Variants in NCKAP5 observed in about 807,000 individuals in gnomAD.
NCKAP5 encodes the protein NCK associated protein 5.
A neutral mutation model predicts 167.0 loss-of-function variants in NCKAP5; 92 were observed. The observed-to-expected ratio is 0.55, with a 90% CI of 0.47 to 0.66. NCKAP5 has a LOEUF of 0.66. Among genes scored for constraint, NCKAP5 ranks in the 30% least tolerant of loss-of-function variants. The pLI is 0.00. For missense variants in NCKAP5, 2,378 were observed against 2,315.0 expected (o/e 1.03, Z -0.56); for synonymous variants, 891 against 877.4 (o/e 1.02, Z -0.27).
chr2:132,998,215 C>A (rs114787279), intron 6 of NCKAP5, among the ~76,000 whole-genome samples: 2,973 of 152,256 alleles, frequency 0.02, 90 homozygotes, highest in African/African-American at 0.069. Context: ...GCATATCTTG[C>A]TAAATTATCT....
intron 11 of NCKAP5, among the ~76,000 whole-genome samples, chr2:132,814,305 T>C (rs1023258630): frequency 2.0e-5 from 3 of 152,298 alleles, no homozygotes; most frequent in East Asian, 1.9e-4. Context: ...AAATGCCTCA[T>C]GGTATTATAA....
rs552584974 is a variant in NCKAP5 at position 132,898,615 on chromosome 2, C to G, written c.580-19699G>C. 3.9e-5 allele frequency among the ~76,000 whole-genome samples: 6 copies of G among 152,300 alleles called. No homozygotes were observed. The South Asian group carries it at 1.2e-3, about 32-fold the overall frequency. ...TCAAAATTCCTTGTTGATCCATGAG[C>G]TGCAGAATGAATGTTGTGTTAGCAG... is the stretch of plus-strand genomic sequence containing the variant. On this transcript the variant is annotated intron_variant, in intron 8 of 19. Transcript: ENST00000409261.
chr2:133,302,712 C>T (rs1385155676), intron 4 of NCKAP5, among the ~76,000 whole-genome samples: 1 of 144,438 alleles, frequency 6.9e-6, no homozygotes, highest in Non-Finnish European at 1.5e-5. Flanking sequence ...AGCGCACCAG[C>T]ATGGCACATG....
rs1195684282 is a variant in NCKAP5 at position 132,782,040 on chromosome 2, G to T, written c.4771C>A (p.Pro1591Thr). Residue 1591 changes from proline to threonine, a missense_variant, in exon 14 of 20, where the codon CCA becomes ACA. Physicochemically the swap from Pro to Thr is conservative, Grantham distance 38. Around this residue, in one of 3 missense-constraint regions of NCKAP5, gnomAD observed 1,325 missense variants for 1,274.5 expected, o/e 1.04. Coordinates refer to ENST00000409261, the MANE Select transcript of NCKAP5 (RefSeq NM_207363.3). ...TTCAGTTGGTTGTAAATGTCTTGTG[G>T]TGTTCTCCGATTATTTTTGCTTTGT... Reference protein sequence around the residue: ...GLQSKNNRRTPQDIYNQLKIE... With the variant: ...GLQSKNNRRTTQDIYNQLKIE... The T allele has an allele frequency of 1.2e-6, 2 of 1,613,846 alleles. No individual in the cohort carries two copies. The highest frequency in any genetic ancestry group is 3.3e-5 in the Admixed American group (2 of 60,002).
At chr2:133,671,006 G>C in the NCKAP5 span, among the ~76,000 whole-genome samples, 1 of 152,150 alleles carries the variant, frequency 6.6e-6, no homozygotes, top group East Asian at 1.9e-4. Context: ...ACGAGGTCAG[G>C]AGATCGACAC....
chr2:133,588,601 G>A, the NCKAP5 span, among the ~76,000 whole-genome samples: 1 of 152,042 alleles, frequency 6.6e-6, no homozygotes, highest in Non-Finnish European at 1.5e-5. Context: ...AATTATAGAA[G>A]TGAACCAGAA....
Position 132,792,491 on chromosome 2 carries a change from T to C in NCKAP5, c.910-2286A>G, listed in dbSNP as rs187577750. The stretch of plus-strand genomic sequence containing the variant: ...CACTGAACAAACTTTCAGAAATATC[T>C]CATCAGGCTTCACTTCTACTGTGTG... On this transcript the variant is annotated intron_variant, in intron 12 of 19. Coordinates refer to ENST00000409261, the MANE Select transcript of NCKAP5 (RefSeq NM_207363.3). 1.6e-4 allele frequency among the ~76,000 whole-genome samples: 25 copies of C among 152,348 alleles called. No homozygotes were observed. In the East Asian group the frequency reaches 4.6e-3, roughly 28 times the overall value.
chr2:132,797,640 T>A (rs1398941775), intron 11 of NCKAP5, among the ~76,000 whole-genome samples: 1 of 152,232 alleles, frequency 6.6e-6, no homozygotes, highest in Non-Finnish European at 1.5e-5. Flanking sequence ...AAGTTTTTTC[T>A]ACTCCTTTTT....
At chr2:133,163,310 A>G (rs796767478) in intron 5 of NCKAP5, among the ~76,000 whole-genome samples, 1 of 152,326 alleles carries the variant, frequency 6.6e-6, no homozygotes, top group African/African-American at 2.4e-5. Context: ...TTGCCTCTAC[A>G]CGTACAGACA....
At chr2:133,441,986 T>G (rs1303219760) in intron 3 of NCKAP5, among the ~76,000 whole-genome samples, 4 of 152,206 alleles carry the variant, frequency 2.6e-5, no homozygotes, top group Non-Finnish European at 4.4e-5. Flanking sequence ...TTACAGAAAC[T>G]GAAAAGGCTG....
intron 8 of NCKAP5, among the ~76,000 whole-genome samples, chr2:132,913,429 C>T (rs992511188): frequency 6.6e-6 from 1 of 151,822 alleles, no homozygotes. Flanking sequence ...TTGGTGCCCT[C>T]ATATGTAGAC....
At chr2:133,454,773 G>A (rs891095812) in intron 3 of NCKAP5, among the ~76,000 whole-genome samples, 12 of 151,796 alleles carry the variant, frequency 7.9e-5, no homozygotes, top group South Asian at 4.2e-4. Flanking sequence ...TTTTTCTTTC[G>A]AACTCAAAAA....
In NCKAP5 at chr2:132,783,818, A is replaced by C; in HGVS notation, c.2993T>G (p.Val998Gly). ...AGTGAAGATAGGCTTTTTGAAGGCC[A>C]CAGAAGGTTTCTTCCTCTGCACTTC... Reference protein sequence around the residue: ...TTEVQRKKPSVAFKKPIFTHP... With the variant: ...TTEVQRKKPSGAFKKPIFTHP... Residue 998 changes from valine to glycine, a missense_variant, in exon 14 of 20, where the codon GTG becomes GGG. Transcript: ENST00000409261. 1 of 1,535,352 alleles carries C rather than the reference A, an allele frequency of 6.5e-7. No individual in the cohort carries two copies. Among genetic ancestry groups the C allele is most frequent in the Non-Finnish European group, 8.7e-7 (1 of 1,143,318 alleles).
intron 2 of NCKAP5, among the ~76,000 whole-genome samples, chr2:133,533,673 A>G (rs1480108959): frequency 6.6e-6 from 1 of 152,216 alleles, no homozygotes; most frequent in East Asian, 1.9e-4. Context: ...CATGAAGTCA[A>G]AATGTGGAAG....
chr2:132,712,629 G>T (rs1478802881), intron 19 of NCKAP5, among the ~76,000 whole-genome samples: 1 of 152,054 alleles, frequency 6.6e-6, no homozygotes, highest in Non-Finnish European at 1.5e-5. Context: ...TCCAGCCTGG[G>T]CAACAGAGTG....
intron 16 of NCKAP5, among the ~76,000 whole-genome samples, chr2:132,766,970 C>T (rs909288744): frequency 2.0e-4 from 30 of 152,190 alleles, no homozygotes; most frequent in Admixed American, 1.4e-3. Flanking sequence ...CTTATAAGAA[C>T]AACGTCTGTG....
intron 11 of NCKAP5, among the ~76,000 whole-genome samples, chr2:132,828,033 A>G (rs1687254734): frequency 6.6e-6 from 1 of 152,142 alleles, no homozygotes; most frequent in Admixed American, 6.5e-5. Flanking sequence ...GATCTTGTTT[A>G]TTCATCTGTA....
In NCKAP5 at chr2:132,679,059, A is replaced by G. The variant is rs534970039; in HGVS notation, c.5714-5754T>C. 1.4e-4 allele frequency among the ~76,000 whole-genome samples: 22 copies of G among 152,302 alleles called. No individual in the cohort carries two copies. The East Asian group carries it at 4.0e-3, about 28-fold the overall frequency. ...TCCCTACTTTAGTTCTCAATGACTT[A>G]AAAAAATAAAAGAAAAAGGCTGACG... On this transcript the variant is annotated intron_variant, in intron 19 of 19. Coordinates refer to ENST00000409261, the MANE Select transcript of NCKAP5 (RefSeq NM_207363.3).
intron 19 of NCKAP5, among the ~76,000 whole-genome samples, chr2:132,719,449 C>A (rs1349992634): frequency 6.6e-6 from 1 of 152,148 alleles, no homozygotes; most frequent in Non-Finnish European, 1.5e-5. Flanking sequence ...TTAACGTGTA[C>A]CTTGGTGATT....
Sources: allele counts gnomAD v4.1 joint callset (sites outside exome capture counted in the v4.1 genomes callset), GRCh38; gene constraint gnomAD v4.1.1; regional missense constraint gnomAD v4.1.1; transcripts MANE v1.5; gene names NCBI Gene and HGNC (gene_info 2026-07-23, HGNC 2026-07-21).